VPS26A: variants seen among roughly 807,000 people sequenced by gnomAD.
VPS26A encodes VPS26 retromer complex component A, also known as vacuolar protein sorting-associated protein 26A.
VPS26A carries 22 observed loss-of-function variants against 42.4 expected under a neutral mutation model. The ratio of observed to expected loss-of-function variants is 0.52; its 90% CI spans 0.37 to 0.74. VPS26A has a LOEUF of 0.74. VPS26A is among the 30% of genes least tolerant of loss of function. VPS26A has a pLI of 0.00. For missense variants in VPS26A, 276 were observed against 379.2 expected, an observed-to-expected ratio of 0.73 and a Z score of 2.26; for synonymous variants, 110 against 123.5, an observed-to-expected ratio of 0.89 and a Z score of 0.73.
At chr10:69,163,766 CTT>C (rs869154106) in intron 6 of VPS26A, among the ~76,000 whole-genome samples, 13 of 133,598 alleles carry the variant, frequency 9.7e-5, no homozygotes, top group Non-Finnish European at 4.9e-5. Context: ...TTTCAGTTTT[CTT>C]TTTTTTTTTT....
chr10:69,146,112 C>T (rs552020620), intron 2 of VPS26A, among the ~76,000 whole-genome samples: 2 of 152,034 alleles, frequency 1.3e-5, no homozygotes, highest in Non-Finnish European at 2.9e-5. Context: ...TTCATTCATT[C>T]GAGATGGAGT....
At chr10:69,157,952 A>G in intron 4 of VPS26A, 95 bp from the exon 5 acceptor site, 1 of 1,127,316 alleles carries the variant, frequency 8.9e-7, no homozygotes, top group Non-Finnish European at 1.2e-6. Flanking sequence ...TCCAGCAAGG[A>G]GGAGAAGCCT....
chr10:69,127,093 ATTTTTTTTTTTTTTT>A (rs71035057), intron 1 of VPS26A, among the ~76,000 whole-genome samples: 1 of 97,534 alleles, frequency 1.0e-5, no homozygotes, highest in South Asian at 4.0e-4. Flanking sequence ...CACCCGGCCA[ATTTTTTTTTTTTTTT>A]TTTTTTTTTG....
intron 1 of VPS26A, among the ~76,000 whole-genome samples, chr10:69,130,234 A>G (rs2132184590): frequency 6.6e-6 from 1 of 152,366 alleles, no homozygotes; most frequent in East Asian, 1.9e-4. Flanking sequence ...GCTGCCTTAG[A>G]TGAGCCTCAT....
intron 2 of VPS26A, among the ~76,000 whole-genome samples, chr10:69,152,182 C>T (rs976247125): frequency 6.6e-6 from 1 of 151,984 alleles, no homozygotes; most frequent in African/African-American, 2.4e-5. Flanking sequence ...GCGCTCCAGC[C>T]TGGGTGACAC....
rs1045424789 is a variant in VPS26A at position 69,173,633 on chromosome 10, C to T, written c.*2364C>T. On this transcript the variant is annotated 3_prime_UTR_variant, in exon 9 of 9. Coordinates refer to ENST00000263559, the MANE Select transcript of VPS26A (RefSeq NM_004896.5). ...GGATTGTAGAATGCACCAATCAACA[C>T]TCTAGCTAGGATTGTAAAACGCACT... Among the ~76,000 whole-genome samples the T allele has an allele frequency of 3.3e-5, 5 of 151,454 alleles. No homozygotes were observed. The highest frequency in any genetic ancestry group is 2.6e-4 in the Admixed American group (4 of 15,234).
At chr10:69,128,438 G>C (rs1423225431) in intron 1 of VPS26A, among the ~76,000 whole-genome samples, 1 of 151,778 alleles carries the variant, frequency 6.6e-6, no homozygotes, top group African/African-American at 2.4e-5. Flanking sequence ...CACCGTGTTA[G>C]TCAGGATGGT....
chr10:69,138,512 C>T (rs916105505), intron 2 of VPS26A, among the ~76,000 whole-genome samples: 10 of 152,134 alleles, frequency 6.6e-5, no homozygotes, highest in African/African-American at 2.4e-4. Flanking sequence ...TTTTGTGTTT[C>T]TGCTTCATAC....
At chr10:69,153,004 T>C (rs983699140) in intron 2 of VPS26A, among the ~76,000 whole-genome samples, 2 of 151,064 alleles carry the variant, frequency 1.3e-5, no homozygotes, top group African/African-American at 4.9e-5. Context: ...GTATGCTTTT[T>C]TGTATGAAAA....
Position 69,158,289 on chromosome 10 carries a change from T to C in VPS26A, c.551+78T>C, listed in dbSNP as rs901640690. 21 of 1,215,374 alleles carry C rather than the reference T, an allele frequency of 1.7e-5. No individual in the cohort carries two copies. In the African/African-American group the frequency reaches 3.1e-4, roughly 18 times the overall value. The allele number at this position is 1,215,374 out of a possible 1,614,324, so 75.3% of individuals were successfully genotyped here. A position where few individuals can be genotyped will look rare whatever the true frequency, so the allele number is the denominator to read the frequency against. On this transcript the variant is annotated intron_variant, in intron 5 of 8. Coordinates refer to ENST00000263559, the MANE Select transcript of VPS26A (RefSeq NM_004896.5). Reference sequence around the variant, plus strand: ...TCAGGTGTTTGTCAGTTGGTCAAAGTAAGGATAGAATTGACATTAATCTGA... The same window carrying C: ...TCAGGTGTTTGTCAGTTGGTCAAAGCAAGGATAGAATTGACATTAATCTGA...
intron 2 of VPS26A, among the ~76,000 whole-genome samples, chr10:69,137,341 A>G (rs965516842): frequency 2.0e-5 from 3 of 152,220 alleles, no homozygotes; most frequent in Non-Finnish European, 2.9e-5. Context: ...GCTGGGTCCT[A>G]TGCTCAGGGA....
In VPS26A at chr10:69,136,782, GTTAT is replaced by G. The variant is rs373863330; in HGVS notation, c.153+3758_153+3761del. Reference sequence around the variant, plus strand: ...CCTTTTTCCTTTTTTGGCCTGTTTTGTTATTTATTTATTTATTTATTTATTTTGA... The same window carrying G: ...CCTTTTTCCTTTTTTGGCCTGTTTTGTTATTTATTTATTTATTTATTTTGA... On this transcript the variant is annotated intron_variant, in intron 2 of 8. Transcript: ENST00000263559. 2.0e-3 allele frequency among the ~76,000 whole-genome samples: 309 copies of G among 151,318 alleles called. 3 individuals carry two copies. The highest frequency in any genetic ancestry group is 7.3e-3 in the African/African-American group (298 of 41,024).
chr10:69,155,523 G>C (rs1299869050), intron 2 of VPS26A, among the ~76,000 whole-genome samples: 1 of 152,170 alleles, frequency 6.6e-6, no homozygotes, highest in African/African-American at 2.4e-5. Flanking sequence ...GATAGTTGAA[G>C]GCTGTTCCTT....
intron 2 of VPS26A, among the ~76,000 whole-genome samples, chr10:69,133,804 A>G (rs1263090307): frequency 2.0e-5 from 3 of 151,960 alleles, no homozygotes; most frequent in Non-Finnish European, 4.4e-5. Context: ...CTCCCACCTC[A>G]TCCTCTCTGG....
At position 69,158,062 on chromosome 10, in the gene VPS26A, G is replaced by T; in HGVS notation, c.402G>T (p.Val134=). The change falls in exon 5 of 9, where the codon GTG becomes GTT. Residue 134 remains valine (V), a synonymous_variant. Coordinates refer to ENST00000263559, the MANE Select transcript of VPS26A (RefSeq NM_004896.5). The part of the protein sequence containing the change: ...ANVRLRYFLK[V]TIVRRLTDLV... ...AACTTTGTAGGTATTTTCTTAAAGT[G>T]ACAATAGTGAGAAGACTGACAGATT... 1 of 1,603,522 alleles carries T rather than the reference G, an allele frequency of 6.2e-7. No individual in the cohort carries two copies. Among genetic ancestry groups the T allele is most frequent in the South Asian group, 1.1e-5 (1 of 88,340 alleles).
intron 2 of VPS26A, among the ~76,000 whole-genome samples, chr10:69,149,918 A>G (rs1403953652): frequency 2.6e-5 from 4 of 151,112 alleles, no homozygotes; most frequent in East Asian, 1.9e-4. Context: ...TAATTTTTGT[A>G]TTTTTAGTAG....
Position 69,158,224 on chromosome 10 carries a change from C to A in VPS26A, c.551+13C>A. 1 of 1,562,530 alleles carries A rather than the reference C, an allele frequency of 6.4e-7. No homozygotes were observed. The highest frequency in any genetic ancestry group is 8.6e-7 in the Non-Finnish European group (1 of 1,157,256). On this transcript the variant is annotated intron_variant, in intron 5 of 8. Coordinates refer to ENST00000263559, the MANE Select transcript of VPS26A (RefSeq NM_004896.5). ...ATAATAAATCAAAGTAAGTATCATTCACAGATAAGTTGTTCAGAGAAAATT... is the reference window on the plus strand; with the variant it reads ...ATAATAAATCAAAGTAAGTATCATTAACAGATAAGTTGTTCAGAGAAAATT...
At chr10:69,170,140 A>G in intron 8 of VPS26A, 1 of 152,238 alleles carries the variant, frequency 6.6e-6, no homozygotes, top group Admixed American at 6.5e-5. Flanking sequence ...TTTTATAAAC[A>G]TGATCTGTCC....
intron 2 of VPS26A, among the ~76,000 whole-genome samples, chr10:69,137,588 T>A (rs888381016): frequency 2.6e-5 from 4 of 152,196 alleles, no homozygotes; most frequent in Non-Finnish European, 4.4e-5. Flanking sequence ...GACATTCATC[T>A]TCTTTTAAAG....
Sources: allele counts gnomAD v4.1 joint callset (sites outside exome capture counted in the v4.1 genomes callset), GRCh38; gene constraint gnomAD v4.1.1; transcripts MANE v1.5; gene names NCBI Gene and HGNC (gene_info 2026-07-23, HGNC 2026-07-21).